OXSR1: variants seen among roughly 807,000 people sequenced by gnomAD.
OXSR1 encodes serine/threonine-protein kinase OSR1.
Under a neutral mutation model 79.8 loss-of-function variants are expected in OXSR1, and 24 were observed. The observed-to-expected ratio is 0.30, with a 90% CI of 0.22 to 0.42. The LOEUF is 0.42. OXSR1 is among the 10% of genes least tolerant of loss of function. The pLI is 1.00. For missense variants in OXSR1, 430 were observed against 618.4 expected (o/e 0.70, Z 3.23); for synonymous variants, 226 against 209.2 (o/e 1.08, Z -0.69).
chr3:38,209,453 A>AG (rs1386135298), intron 4 of OXSR1, among the ~76,000 whole-genome samples: 3 of 151,860 alleles, frequency 2.0e-5, no homozygotes, highest in Non-Finnish European at 4.4e-5. Context: ...AAGTTCCCCC[A>AG]GGTAATTCTA....
At chr3:38,247,550 C>A in intron 13 of OXSR1, 118 bp from the exon 14 acceptor site, 1 of 684,848 alleles carries the variant, frequency 1.5e-6, no homozygotes, top group Non-Finnish European at 2.6e-6. Flanking sequence ...ATTAGTATGA[C>A]CTCAGCTGGA....
In OXSR1 at chr3:38,207,932, T is replaced by TTTCC. The variant is rs1202436620; in HGVS notation, c.435-8137_435-8134dup. ...TCCCCCTCCCCTCCCCTCCCCTCCC[T>TTTCC]TTCCTTCCTTCCTTCCTTCCTTCCT... On this transcript the variant is annotated intron_variant, in intron 4 of 17. Coordinates refer to ENST00000311806, the MANE Select transcript of OXSR1 (RefSeq NM_005109.3). Among the ~76,000 whole-genome samples the TTTCC allele has an allele frequency of 4.1e-3, 390 of 95,154 alleles. 2 individuals are homozygous for TTTCC. Among genetic ancestry groups the TTTCC allele is most frequent in the East Asian group, 0.01 (26 of 2,584 alleles). The allele number at this position is 95,154 out of a possible 152,430, so 62.4% of individuals were successfully genotyped here.
At chr3:38,180,482 T>C (rs945053493) in intron 1 of OXSR1, among the ~76,000 whole-genome samples, 2 of 151,960 alleles carry the variant, frequency 1.3e-5, no homozygotes, top group African/African-American at 4.8e-5. Context: ...TTTTTAGGCA[T>C]GTGTCCGTAT....
At chr3:38,193,432 T>C in intron 3 of OXSR1, 1 of 1,263,604 alleles carries the variant, frequency 7.9e-7, no homozygotes, top group Non-Finnish European at 1.0e-6. Context: ...ATACTGTATC[T>C]TTCGTTATTG....
intron 10 of OXSR1, among the ~76,000 whole-genome samples, chr3:38,234,698 TA>T (rs1702882923): frequency 6.6e-6 from 1 of 152,220 alleles, no homozygotes; most frequent in South Asian, 2.1e-4. Flanking sequence ...CTCAGAAGCC[TA>T]AACAAAGTCA....
chr3:38,228,009 T>A (rs1702727246), intron 8 of OXSR1, among the ~76,000 whole-genome samples: 1 of 152,202 alleles, frequency 6.6e-6, no homozygotes, highest in African/African-American at 2.4e-5. Context: ...CATCGTGGAG[T>A]GTACTTACAC....
Position 38,246,056 on chromosome 3 carries a change from G to GTA in OXSR1, c.1111-18_1111-17insAT, listed in dbSNP as rs1703134922. ...CTTTCCACACAACTTAAGCAACACT[G>GTA]TGTGTGTTTTTGTTACAGCTCTTTC... On this transcript the variant is annotated intron_variant, in intron 12 of 17. Transcript: ENST00000311806. 6.2e-7 allele frequency: 1 copy of GTA among 1,612,214 alleles called. No individual in the cohort carries two copies. The highest frequency in any genetic ancestry group is 8.5e-7 in the Non-Finnish European group (1 of 1,178,434).
chr3:38,242,813 T>A, intron 12 of OXSR1, 35 bp downstream of exon 12: 1 of 1,315,108 alleles, frequency 7.6e-7, no homozygotes, highest in Non-Finnish European at 1.1e-6. Context: ...CTTGTTAAAG[T>A]AAATGTGCTT....
At position 38,175,979 on chromosome 3, in the gene OXSR1, G is replaced by A. The variant is rs151057169; in HGVS notation, c.71-7024G>A. Among the ~76,000 whole-genome samples the A allele has an allele frequency of 1.9e-3, 290 of 152,254 alleles. 3 individuals carry two copies. Among genetic ancestry groups the A allele is most frequent in the African/African-American group, 6.7e-3 (277 of 41,526 alleles). On this transcript the variant is annotated intron_variant, in intron 1 of 17. Coordinates refer to ENST00000311806, the MANE Select transcript of OXSR1 (RefSeq NM_005109.3). ...ATTCAGATTAGGCCAATGCTTAGTC[G>A]AGGGCATTAGGGAAGTAGCTATCAC...
chr3:38,191,754 A>G (rs1351681884), intron 3 of OXSR1, among the ~76,000 whole-genome samples: 1 of 98,090 alleles, frequency 1.0e-5, no homozygotes, highest in Admixed American at 9.8e-5. Context: ...GCTAGCAAGT[A>G]ATCTTACTTT....
chr3:38,230,414 C>A lies in OXSR1; in HGVS notation c.935C>A (p.Ser312Tyr). 1 of 1,599,862 alleles carries A rather than the reference C, an allele frequency of 6.3e-7. No individual in the cohort carries two copies. The highest frequency in any genetic ancestry group is 8.6e-7 in the Non-Finnish European group (1 of 1,168,634). Reference sequence around the variant, plus strand: ...ACATTGCAGAGAGCACCAACCATTTCTGAAAGAGCAAAAAAGGTAAATCAG... The same window carrying A: ...ACATTGCAGAGAGCACCAACCATTTATGAAAGAGCAAAAAAGGTAAATCAG... ...EKTLQRAPTI[S>Y]ERAKKVRRVP... The change falls in exon 10 of 18, where the codon TCT (serine) becomes TAT (tyrosine). Residue 312 changes from serine to tyrosine, a missense_variant. By Grantham distance (144) the Ser-to-Tyr change is moderately radical. This residue lies in a region of OXSR1 where 276 missense variants were observed against 354.2 expected (regional missense o/e 0.78). Transcript: ENST00000311806.
Position 38,165,786 on chromosome 3 carries a change from G to C in OXSR1, c.-91G>C. 1 of 1,155,724 alleles carries C rather than the reference G, an allele frequency of 8.7e-7. No individual in the cohort carries two copies. Among genetic ancestry groups the C allele is most frequent in the South Asian group, 1.3e-5 (1 of 74,720 alleles). 71.6% of individuals were successfully genotyped at this position (1,155,724 alleles called of 1,614,324 possible). ...CGATTGGTGGGGGCGCGGCGGCGGC[G>C]GCGGCGGCTGTTGGGGGTGGGGAGA... On this transcript the variant is annotated 5_prime_UTR_variant, in exon 1 of 18. Transcript: ENST00000311806.
At chr3:38,241,113 T>C (rs2125849937) in intron 11 of OXSR1, among the ~76,000 whole-genome samples, 1 of 152,230 alleles carries the variant, frequency 6.6e-6, no homozygotes, top group South Asian at 2.1e-4. Context: ...TAAGGTTTTT[T>C]TATACTGGAG....
intron 8 of OXSR1, 114 bp downstream of exon 8, chr3:38,224,818 T>C: frequency 1.4e-6 from 1 of 728,220 alleles, no homozygotes; most frequent in Admixed American, 3.6e-5. Flanking sequence ...ATATAAACTT[T>C]AAAAAAGTAT....
intron 4 of OXSR1, among the ~76,000 whole-genome samples, chr3:38,204,110 C>A (rs1438494551): frequency 6.6e-6 from 1 of 152,188 alleles, no homozygotes; most frequent in East Asian, 1.9e-4. Context: ...CTCCCCGTGG[C>A]CACCACTGCC....
chr3:38,233,278 G>A (rs1011156344), intron 10 of OXSR1, among the ~76,000 whole-genome samples: 4 of 152,142 alleles, frequency 2.6e-5, no homozygotes, highest in African/African-American at 7.2e-5. Flanking sequence ...TAAACATTAA[G>A]GCTTATTACC....
chr3:38,203,082 G>A (rs1018076648), intron 4 of OXSR1, among the ~76,000 whole-genome samples: 7 of 152,182 alleles, frequency 4.6e-5, no homozygotes, highest in African/African-American at 1.7e-4. Flanking sequence ...TGTTCCTCCC[G>A]TACCCCTGGT....
intron 1 of OXSR1, among the ~76,000 whole-genome samples, chr3:38,179,970 G>A (rs574060673): frequency 1.3e-5 from 2 of 152,088 alleles, no homozygotes; most frequent in South Asian, 4.2e-4. Context: ...CCCCATGCCC[G>A]GCTAATTTTT....
At chr3:38,194,927 A>AT (rs1384271663) in intron 3 of OXSR1, among the ~76,000 whole-genome samples, 1 of 152,222 alleles carries the variant, frequency 6.6e-6, no homozygotes, top group Admixed American at 6.5e-5. Flanking sequence ...AAATCATAAA[A>AT]TGAATAGTGA....
Sources: allele counts gnomAD v4.1 joint callset (sites outside exome capture counted in the v4.1 genomes callset), GRCh38; gene constraint gnomAD v4.1.1; regional missense constraint gnomAD v4.1.1; transcripts MANE v1.5; gene names NCBI Gene and HGNC (gene_info 2026-07-23, HGNC 2026-07-21).